Variants in CTNND2 observed in about 807,000 individuals in gnomAD.
CTNND2 encodes the protein catenin delta-2.
Under a neutral mutation model 144.4 loss-of-function variants are expected in CTNND2, and 22 were observed. That is an observed-to-expected ratio of 0.15 (90% CI 0.11 to 0.22). The LOEUF (loss-of-function observed/expected upper bound fraction) is 0.22. CTNND2 is among the 10% of genes least tolerant of loss of function. The pLI, the probability that CTNND2 is intolerant of heterozygous loss-of-function variation, is 1.00. For missense variants in CTNND2, 1,353 were observed against 1,618.8 expected (o/e 0.84, Z 2.82); for synonymous variants, 751 against 695.6 (o/e 1.08, Z -1.25).
At chr5:11,581,142 T>C (rs1185950910) in intron 2 of CTNND2, among the ~76,000 whole-genome samples, 2 of 152,168 alleles carry the variant, frequency 1.3e-5, no homozygotes, top group South Asian at 2.1e-4. Flanking sequence ...TGAATTCAAC[T>C]ATAAATTTTT....
intron 1 of CTNND2, among the ~76,000 whole-genome samples, chr5:11,817,802 G>A (rs556788417): frequency 1.4e-4 from 21 of 152,010 alleles, no homozygotes; most frequent in Non-Finnish European, 2.6e-4. Context: ...TTGAACACCA[G>A]CAGAAGCATA....
At chr5:11,020,897 C>T (rs1166065978) in intron 17 of CTNND2, among the ~76,000 whole-genome samples, 1 of 152,134 alleles carries the variant, frequency 6.6e-6, no homozygotes, top group East Asian at 1.9e-4. Flanking sequence ...AACAACAAGA[C>T]AGAATGAGCG....
intron 16 of CTNND2, chr5:11,027,258 G>C (rs796966099): frequency 7.9e-5 from 12 of 152,306 alleles, no homozygotes; most frequent in African/African-American, 2.6e-4. Flanking sequence ...AGATTAGCAT[G>C]GCCCCTGTGC....
rs1579909639 is a variant in CTNND2 at position 10,973,811 on chromosome 5, T to G, written c.3418-98A>C. The G allele has an allele frequency of 3.7e-6, 5 of 1,367,384 alleles. No homozygotes were observed. The South Asian group carries it at 4.4e-5, about 12-fold the overall frequency. The allele number at this position is 1,367,384 out of a possible 1,614,324, so 84.7% of individuals were successfully genotyped here. ...CAACTCTCCTTCAAAGAATAGGCTG[T>G]GTATATCCAGGCATTCACCACTGTG... On this transcript the variant is annotated intron_variant, in intron 21 of 21. Coordinates refer to ENST00000304623, the MANE Select transcript of CTNND2 (RefSeq NM_001332.4). This position sits in a 1 kb window ranked among gnomAD's most constrained non-coding sequence, Gnocchi z 5.6.
At chr5:11,379,847 C>T (rs889628368) in intron 7 of CTNND2, among the ~76,000 whole-genome samples, 5 of 152,112 alleles carry the variant, frequency 3.3e-5, no homozygotes, top group African/African-American at 4.8e-5. Flanking sequence ...ATGGATAAAA[C>T]GCTAAGTCCA....
At chr5:11,122,839 G>A (rs969152956) in intron 12 of CTNND2, among the ~76,000 whole-genome samples, 1 of 152,050 alleles carries the variant, frequency 6.6e-6, no homozygotes, top group Admixed American at 6.5e-5. Context: ...ACTTAGTACA[G>A]CCTTGATGCA....
At chr5:11,442,311 A>C (rs1018862911) in intron 3 of CTNND2, among the ~76,000 whole-genome samples, 1 of 152,324 alleles carries the variant, frequency 6.6e-6, no homozygotes, top group Non-Finnish European at 1.5e-5. Context: ...ATATAGATAT[A>C]TTTTTAGTAG....
Position 11,651,031 on chromosome 5 carries a change from A to C in CTNND2, c.174+81105T>G, listed in dbSNP as rs888135467. ...AAGTAAAGAGAAGCCAAATGTTAATAGCCAAAACAATGGGGAAAATACCTT... is the reference window on the plus strand; with the variant it reads ...AAGTAAAGAGAAGCCAAATGTTAATCGCCAAAACAATGGGGAAAATACCTT... On this transcript the variant is annotated intron_variant, in intron 2 of 21. Transcript: ENST00000304623. 2.6e-5 allele frequency among the ~76,000 whole-genome samples: 4 copies of C among 152,358 alleles called. No homozygotes were observed. The East Asian group carries it at 7.7e-4, about 29-fold the overall frequency.
In CTNND2 at chr5:11,346,500, C is replaced by T. The variant is rs370292307; in HGVS notation, c.1500G>A (p.Ala500=). Residue 500 remains alanine, a synonymous_variant, in exon 9 of 22, where the codon GCG becomes GCA. Coordinates refer to ENST00000304623, the MANE Select transcript of CTNND2 (RefSeq NM_001332.4). ...AATACTGCAGCTGTCGGTAGGGGTC[C>T]GCGTAATTGGAGGCTGGGCCGGCGG... The part of the protein sequence containing the change: ...SYAAGPASNY[A]DPYRQLQYCP... The T allele has an allele frequency of 6.2e-6, 10 of 1,605,738 alleles. No homozygotes were observed. The highest frequency in any genetic ancestry group is 4.0e-5 in the African/African-American group (3 of 74,492).
chr5:11,635,742 G>T (rs75707135), intron 2 of CTNND2, among the ~76,000 whole-genome samples: 1,700 of 151,702 alleles, frequency 0.011, 16 homozygotes, highest in East Asian at 0.033. Flanking sequence ...AACATAGATG[G>T]GCTATTCTTT....
chr5:11,356,468 G>C (rs1755890419), intron 8 of CTNND2, among the ~76,000 whole-genome samples: 1 of 151,858 alleles, frequency 6.6e-6, no homozygotes, highest in South Asian at 2.1e-4. Context: ...CTTTTCAACA[G>C]ATAATGCTGA....
intron 15 of CTNND2, among the ~76,000 whole-genome samples, chr5:11,084,807 A>C (rs1474692427): frequency 6.6e-6 from 1 of 152,146 alleles, no homozygotes; most frequent in Non-Finnish European, 1.5e-5. Context: ...GGGGAAATTT[A>C]GGCACAAAGA....
intron 1 of CTNND2, among the ~76,000 whole-genome samples, chr5:11,767,357 G>A (rs1351104559): frequency 6.6e-6 from 1 of 152,150 alleles, no homozygotes; most frequent in Non-Finnish European, 1.5e-5. Context: ...GAGGTTGTGT[G>A]TGGGCATGTG....
intron 1 of CTNND2, among the ~76,000 whole-genome samples, chr5:11,896,151 C>T (rs973116011): frequency 1.3e-5 from 2 of 151,994 alleles, no homozygotes; most frequent in Non-Finnish European, 2.9e-5. Flanking sequence ...TTAAATATAA[C>T]TACCAAAAAT....
rs149831610 is a variant in CTNND2 at position 11,425,009 on chromosome 5, T to C, written c.288-12940A>G. ...CATAATATACCAATCATACTGCCCATTGCCAATCAGAGACAAGAAATTGTG... is the reference window on the plus strand; with the variant it reads ...CATAATATACCAATCATACTGCCCACTGCCAATCAGAGACAAGAAATTGTG... On this transcript the variant is annotated intron_variant, in intron 3 of 21. Transcript: ENST00000304623. 2.0e-3 allele frequency among the ~76,000 whole-genome samples: 308 copies of C among 152,332 alleles called. 1 individual carries two copies. Among genetic ancestry groups the C allele is most frequent in the Non-Finnish European group, 3.5e-3 (235 of 68,032 alleles).
At chr5:10,981,929 C>A (rs1300334898) in intron 20 of CTNND2, 83 bp from the exon 21 acceptor site, 1 of 1,220,662 alleles carries the variant, frequency 8.2e-7, no homozygotes, top group Admixed American at 1.8e-5. Flanking sequence ...CAAGTTCTTG[C>A]CCTAACAAAG....
At position 11,455,220 on chromosome 5, in the gene CTNND2, G is replaced by A. The variant is rs182304457; in HGVS notation, c.288-43151C>T. Among the ~76,000 whole-genome samples, 17 of 152,048 alleles carry A rather than the reference G, an allele frequency of 1.1e-4. No homozygotes were observed. The East Asian group carries it at 2.3e-3, about 21-fold the overall frequency. On this transcript the variant is annotated intron_variant, in intron 3 of 21. Coordinates refer to ENST00000304623, the MANE Select transcript of CTNND2 (RefSeq NM_001332.4). ...GAAAAATGGAACTGAAGTAGGTATA[G>A]AAAGCTACTTTATTCAGATGGAGAG...
At chr5:11,102,676 A>G (rs1327664289) in intron 14 of CTNND2, among the ~76,000 whole-genome samples, 1 of 152,246 alleles carries the variant, frequency 6.6e-6, no homozygotes, top group Non-Finnish European at 1.5e-5. Flanking sequence ...GTATTCTTTC[A>G]TTAAGAAGGT....
intron 8 of CTNND2, among the ~76,000 whole-genome samples, chr5:11,346,983 A>AT (rs1754865631): frequency 6.6e-6 from 1 of 152,212 alleles, no homozygotes; most frequent in Non-Finnish European, 1.5e-5. Flanking sequence ...CTTCATTTTC[A>AT]AGTTGAGAAG....
Sources: allele counts gnomAD v4.1 joint callset (sites outside exome capture counted in the v4.1 genomes callset), GRCh38; gene constraint gnomAD v4.1.1; non-coding constraint Gnocchi (gnomAD v3.1); transcripts MANE v1.5; gene names NCBI Gene and HGNC (gene_info 2026-07-23, HGNC 2026-07-21).